GPC3: variants seen among roughly 807,000 people sequenced by gnomAD.
GPC3 encodes glypican 3.
In GPC3, 3 loss-of-function variants were observed where a neutral mutation model predicts 34.4. The ratio of observed to expected loss-of-function variants is 0.09; its 90% CI spans 0.04 to 0.23. GPC3 has a LOEUF of 0.23. Among genes scored for constraint, GPC3 ranks in the 10% least tolerant of loss-of-function variants. GPC3 has a pLI of 1.00. For missense variants in GPC3, 351 were observed against 445.6 expected (o/e 0.79, Z 1.91); for synonymous variants, 177 against 174.0 (o/e 1.02, Z -0.13).
At chrX:133,781,332 G>A (rs1237392959) in intron 2 of GPC3, among the ~76,000 whole-genome samples, 1 of 111,880 alleles carries the variant, frequency 8.9e-6, no homozygotes, top group Non-Finnish European at 1.9e-5. Context: ...GAGGCAGGAA[G>A]AGTGAGAGAC....
chrX:133,609,638 A>G (rs1265623978), intron 6 of GPC3, among the ~76,000 whole-genome samples: 3 of 112,268 alleles, frequency 2.7e-5, no homozygotes, highest in Admixed American at 9.4e-5. Flanking sequence ...TAACATCTAC[A>G]TATTATTGAT....
chrX:133,621,868 G>C (rs1422811671), intron 6 of GPC3, among the ~76,000 whole-genome samples: 3 of 112,452 alleles, frequency 2.7e-5, no homozygotes, highest in African/African-American at 9.7e-5. Flanking sequence ...CTGGGTGCCT[G>C]ATCCCCAAGT....
chrX:133,547,166 G>A (rs1366882972), intron 7 of GPC3, among the ~76,000 whole-genome samples: 1 of 111,219 alleles, frequency 9.0e-6, no homozygotes, highest in Non-Finnish European at 1.9e-5. Context: ...CTGGGAAGGG[G>A]AGAAGCAGGA....
At chrX:133,711,407 T>C (rs1241037039) in intron 3 of GPC3, among the ~76,000 whole-genome samples, 1 of 111,664 alleles carries the variant, frequency 9.0e-6, no homozygotes, top group Non-Finnish European at 1.9e-5. Flanking sequence ...TGGGCACTTG[T>C]TGGAAATGCA....
intron 7 of GPC3, among the ~76,000 whole-genome samples, chrX:133,567,951 C>T (rs1367856280): frequency 8.9e-6 from 1 of 112,022 alleles, no homozygotes; most frequent in Non-Finnish European, 1.9e-5. Context: ...CATATTTTGG[C>T]CAAGGATAAA....
At chrX:133,825,813 T>C (rs999714942) in intron 2 of GPC3, among the ~76,000 whole-genome samples, 1 of 111,194 alleles carries the variant, frequency 9.0e-6, no homozygotes, top group Non-Finnish European at 1.9e-5. Flanking sequence ...TAAGGCAGAG[T>C]TGTCAACTGC....
At chrX:133,935,365 A>C (rs1301254902) in intron 2 of GPC3, among the ~76,000 whole-genome samples, 1 of 111,885 alleles carries the variant, frequency 8.9e-6, no homozygotes, top group Admixed American at 9.5e-5. Context: ...TGGGAAAGGA[A>C]TAATAAGTGT....
At chrX:133,838,345 C>CA (rs771826924) in intron 2 of GPC3, among the ~76,000 whole-genome samples, 1 of 112,276 alleles carries the variant, frequency 8.9e-6, no homozygotes, top group African/African-American at 3.2e-5. Flanking sequence ...CCATGTCTTA[C>CA]AAATAAGTCA....
chrX:133,841,182 C>T (rs1369838729), intron 2 of GPC3, among the ~76,000 whole-genome samples: 2 of 101,852 alleles, frequency 2.0e-5, no homozygotes, highest in African/African-American at 7.0e-5. Context: ...TAGCTGGGAC[C>T]TAATAGCACC....
intron 2 of GPC3, among the ~76,000 whole-genome samples, chrX:133,790,222 G>A (rs187229217): frequency 2.1e-4 from 23 of 111,625 alleles, no homozygotes; most frequent in Admixed American, 1.9e-3. Context: ...ACAATTTGAA[G>A]GCCCAGAGAA....
intron 2 of GPC3, among the ~76,000 whole-genome samples, chrX:133,755,259 T>A (rs2071716130): frequency 1.8e-5 from 2 of 111,994 alleles, no homozygotes; most frequent in South Asian, 7.4e-4. Context: ...ACAGATGTAC[T>A]CCAAATGATG....
chrX:133,763,814 TG>T, intron 2 of GPC3: 1 of 396,726 alleles, frequency 2.5e-6, no homozygotes, highest in Non-Finnish European at 4.4e-6. Context: ...GCCTATGCAC[TG>T]TTGGTGGGAA....
chrX:133,602,996 TACAA>T (rs2070002760), intron 6 of GPC3, among the ~76,000 whole-genome samples: 1 of 111,091 alleles, frequency 9.0e-6, no homozygotes, highest in Admixed American at 9.6e-5. Context: ...TTTTTTCGTG[TACAA>T]ACAGTCTTGA....
chrX:133,963,203 CAT>C (rs1486158785), intron 1 of GPC3, among the ~76,000 whole-genome samples: 1 of 112,269 alleles, frequency 8.9e-6, no homozygotes, highest in African/African-American at 3.2e-5. Context: ...GTAATAACCA[CAT>C]GTCCTTTTAC....
rs542979820 is a variant in GPC3, at chrX:133,668,306, C to G, written c.1293-6456G>C. Among the ~76,000 whole-genome samples, 4 of 111,477 alleles carry G rather than the reference C, an allele frequency of 3.6e-5. No individual in the cohort carries two copies. In the South Asian group the frequency reaches 1.5e-3, roughly 43 times the overall value. ...CATGAATGTAAATTATCAGTTGTAC[C>G]CTCCCTCAAAACAGAGGCAAAGAAC... On this transcript the variant is annotated intron_variant, in intron 5 of 7. Coordinates refer to ENST00000370818, the MANE Select transcript of GPC3 (RefSeq NM_004484.4).
chrX:133,645,262 G>A (rs1285378847), intron 6 of GPC3, among the ~76,000 whole-genome samples: 3 of 111,292 alleles, frequency 2.7e-5, no homozygotes, highest in Non-Finnish European at 5.6e-5. Flanking sequence ...AGGGGCAGGC[G>A]GGCCTCTCAG....
At chrX:133,576,446 G>A (rs1438259759) in intron 7 of GPC3, among the ~76,000 whole-genome samples, 1 of 110,573 alleles carries the variant, frequency 9.0e-6, no homozygotes, top group African/African-American at 3.3e-5. Flanking sequence ...CACCATGTTG[G>A]CCAGGCTGGT....
intron 1 of GPC3, among the ~76,000 whole-genome samples, chrX:133,963,281 T>C (rs1363072835): frequency 3.6e-5 from 4 of 111,566 alleles, no homozygotes; most frequent in Non-Finnish European, 5.7e-5. Flanking sequence ...TGGCATGCAG[T>C]GGCAAAGGGA....
intron 2 of GPC3, among the ~76,000 whole-genome samples, chrX:133,908,268 C>T (rs749358932): frequency 5.4e-5 from 6 of 111,648 alleles, no homozygotes; most frequent in Admixed American, 9.6e-5. Flanking sequence ...ATCATTTTTA[C>T]GTAAGGCCCT....
Sources: allele counts gnomAD v4.1 joint callset (sites outside exome capture counted in the v4.1 genomes callset), GRCh38; gene constraint gnomAD v4.1.1; transcripts MANE v1.5; gene names NCBI Gene and HGNC (gene_info 2026-07-23, HGNC 2026-07-21).